AFDN: variants seen among roughly 807,000 people sequenced by gnomAD.
AFDN encodes the protein afadin, adherens junction formation factor.
Under a neutral mutation model 216.6 loss-of-function variants are expected in AFDN, and 68 were observed. The ratio of observed to expected loss-of-function variants is 0.31; its 90% CI spans 0.26 to 0.38. AFDN has a LOEUF of 0.38. Ranked by LOEUF, AFDN falls within the 10% of genes least tolerant of loss-of-function variation. The probability of loss-of-function intolerance (pLI) is 1.00; values close to 1 mark genes in which losing one functional copy is unlikely to be tolerated. For synonymous variants in AFDN, 868 were observed against 853.7 expected, an observed-to-expected ratio of 1.02 and a Z score of -0.29; for missense variants, 2,136 against 2,342.0, an observed-to-expected ratio of 0.91 and a Z score of 1.82.
chr6:167,918,968 C>T, intron 21 of AFDN, 35 bp downstream of exon 21: 2 of 1,567,514 alleles, frequency 1.3e-6, no homozygotes, highest in South Asian at 2.3e-5. Flanking sequence ...CTGAGCTACG[C>T]CCCAGGTTGA....
intron 6 of AFDN, among the ~76,000 whole-genome samples, chr6:167,886,725 C>T (rs1366859025): frequency 2.0e-5 from 3 of 152,158 alleles, no homozygotes; most frequent in Non-Finnish European, 4.4e-5. Context: ...AGTCAGAATA[C>T]TATTAGTAAA....
chr6:167,917,107 A>G lies in AFDN; in HGVS notation c.2584A>G (p.Met862Val), dbSNP rs148782351. ...RIVQATTLLT[M>V]DKYAPDDIPN... The stretch of plus-strand genomic sequence containing the variant: ...TACATAGGCAACGACTTTGCTTACC[A>G]TGGATAAGTATGCACCTGATGACAT... The change falls in exon 20 of 34, where the codon ATG becomes GTG. Residue 862 changes from methionine (M) to valine (V), a missense_variant. Physicochemically the swap from Met to Val is conservative, Grantham distance 21. Around this residue, in one of 8 missense-constraint regions of AFDN, gnomAD observed 162 missense variants for 182.6 expected, o/e 0.89. Coordinates refer to ENST00000683244, the MANE Select transcript of AFDN (RefSeq NM_001386888.1). The G allele has an allele frequency of 2.5e-6, 4 of 1,612,532 alleles. No individual in the cohort carries two copies. The African/African-American group carries it at 5.3e-5, about 22-fold the overall frequency.
chr6:167,931,729 AT>A (rs1367343658), intron 23 of AFDN, among the ~76,000 whole-genome samples: 1 of 152,108 alleles, frequency 6.6e-6, no homozygotes, highest in Non-Finnish European at 1.5e-5. Context: ...GAGTGGAGGT[AT>A]TTTTGAGATT....
At chr6:167,935,033 T>C (rs986012830) in intron 23 of AFDN, among the ~76,000 whole-genome samples, 11 of 152,216 alleles carry the variant, frequency 7.2e-5, no homozygotes, top group African/African-American at 1.9e-4. Context: ...TTTTTTATTA[T>C]AATTTTTGAT....
Position 167,874,658 on chromosome 6 carries a change from C to T in AFDN, c.579-677C>T, listed in dbSNP as rs181106453. Among the ~76,000 whole-genome samples the T allele has an allele frequency of 5.8e-3, 844 of 146,036 alleles. 16 individuals are homozygous for T. Among genetic ancestry groups the T allele is most frequent in the African/African-American group, 0.021 (813 of 39,532 alleles). On this transcript the variant is annotated intron_variant, in intron 4 of 33. Coordinates refer to ENST00000683244, the MANE Select transcript of AFDN (RefSeq NM_001386888.1). ...GAGATGAAGTTTTGCTCTTGTTGCCCAGGCTGGAATGCAGTGGCACAATCT... is the reference window on the plus strand; with the variant it reads ...GAGATGAAGTTTTGCTCTTGTTGCCTAGGCTGGAATGCAGTGGCACAATCT...
intron 1 of AFDN, among the ~76,000 whole-genome samples, chr6:167,838,680 G>A (rs1192791112): frequency 6.6e-6 from 1 of 152,184 alleles, no homozygotes; most frequent in African/African-American, 2.4e-5. Flanking sequence ...GTGGCCTGTT[G>A]TACCTTCTTA....
intron 2 of AFDN, among the ~76,000 whole-genome samples, chr6:167,866,716 GT>G (rs1474412772): frequency 6.6e-6 from 1 of 152,152 alleles, no homozygotes; most frequent in Non-Finnish European, 1.5e-5. Context: ...TTATTACAGC[GT>G]TACGGAAAAC....
chr6:167,913,440 G>C lies in AFDN; in HGVS notation c.2058+17G>C. On this transcript the variant is annotated intron_variant, in intron 16 of 33. Coordinates refer to ENST00000683244, the MANE Select transcript of AFDN (RefSeq NM_001386888.1). ...GTTGACCAGGTAGGACATCTGCTGG[G>C]AGCTGATCCTAGCTGTGTTGCTTAG... The C allele has an allele frequency of 6.5e-7, 1 of 1,535,640 alleles. No individual in the cohort carries two copies. Among genetic ancestry groups the C allele is most frequent in the Non-Finnish European group, 8.7e-7 (1 of 1,146,558 alleles).
chr6:167,891,446 T>G (rs1191789342), intron 8 of AFDN, among the ~76,000 whole-genome samples: 1 of 150,668 alleles, frequency 6.6e-6, no homozygotes, highest in Admixed American at 6.6e-5. Context: ...TGTGTGTGTG[T>G]GTGTGGCTGT....
intron 1 of AFDN, among the ~76,000 whole-genome samples, chr6:167,846,818 GA>G (rs1169510070): frequency 6.8e-6 from 1 of 147,488 alleles, no homozygotes; most frequent in African/African-American, 2.5e-5. Context: ...TAATCTATTA[GA>G]AAAGTCATAA....
At chr6:167,924,919 CAT>C (rs1262370715) in intron 22 of AFDN, 84 bp from the exon 23 acceptor site, 1 of 948,488 alleles carries the variant, frequency 1.1e-6, no homozygotes, top group South Asian at 1.3e-5. Context: ...CTCCAGTGAA[CAT>C]GATTGACTAG....
At position 167,966,307 on chromosome 6, in the gene AFDN, C is replaced by G. The variant is rs763135204; in HGVS notation, c.5257+262C>G. The G allele has an allele frequency of 3.5e-6, 5 of 1,440,504 alleles. No individual in the cohort carries two copies. The South Asian group carries it at 5.1e-5, about 15-fold the overall frequency. 89.2% of individuals were successfully genotyped at this position (1,440,504 alleles called of 1,614,324 possible). A position where few individuals can be genotyped will look rare whatever the true frequency, so the allele number is the denominator to read the frequency against. ...AGAGTGACAAATCAGCTCTCTTTGT[C>G]TTAATGATTGGAACCTCAGCATCTC... On this transcript the variant is annotated intron_variant, in intron 32 of 33. Coordinates refer to ENST00000683244, the MANE Select transcript of AFDN (RefSeq NM_001386888.1).
intron 1 of AFDN, among the ~76,000 whole-genome samples, chr6:167,840,385 C>G (rs984296195): frequency 2.0e-5 from 3 of 152,082 alleles, no homozygotes; most frequent in East Asian, 1.9e-4. Flanking sequence ...CAAGTTTGAC[C>G]ATGTGACTTT....
intron 1 of AFDN, among the ~76,000 whole-genome samples, chr6:167,838,950 A>G (rs1298488355): frequency 6.6e-6 from 1 of 152,158 alleles, no homozygotes; most frequent in Non-Finnish European, 1.5e-5. Flanking sequence ...TCAATTGCTC[A>G]CCCATTATAT....
Position 167,964,630 on chromosome 6 carries a change from G to GTGTA in AFDN, c.4969-1124_4969-1123insATGT, listed in dbSNP as rs1797358236. 1.7e-5 allele frequency: 18 copies of GTGTA among 1,056,466 alleles called. No individual in the cohort carries two copies. In the South Asian group the frequency reaches 5.5e-4, roughly 32 times the overall value. The allele number at this position is 1,056,466 out of a possible 1,614,324, so 65.4% of individuals were successfully genotyped here. A position where few individuals can be genotyped will look rare whatever the true frequency, so the allele number is the denominator to read the frequency against. On this transcript the variant is annotated intron_variant, in intron 31 of 33. Coordinates refer to ENST00000683244, the MANE Select transcript of AFDN (RefSeq NM_001386888.1). ...GTATTCACTCTGTGTGTGTGTGTGT[G>GTGTA]TGTGTGTGTGTGTGTGTGTGTGTGT... is the stretch of plus-strand genomic sequence containing the variant.
chr6:167,936,856 A>G (rs1046471968), intron 23 of AFDN, among the ~76,000 whole-genome samples: 3 of 152,176 alleles, frequency 2.0e-5, no homozygotes, highest in African/African-American at 7.2e-5. Context: ...GTTGAAGGTA[A>G]TTGCCCATAT....
At chr6:167,931,068 C>A (rs1793232853) in intron 23 of AFDN, among the ~76,000 whole-genome samples, 1 of 152,182 alleles carries the variant, frequency 6.6e-6, no homozygotes, top group South Asian at 2.1e-4. Flanking sequence ...CTGGAACAGA[C>A]ACCCCGTGAA....
Position 167,944,589 on chromosome 6 carries a change from A to G in AFDN, c.3358+530A>G, listed in dbSNP as rs116751956. Among the ~76,000 whole-genome samples, 581 of 152,272 alleles carry G rather than the reference A, an allele frequency of 3.8e-3. 2 individuals are homozygous for G. Among genetic ancestry groups the G allele is most frequent in the African/African-American group, 0.013 (546 of 41,556 alleles). Reference sequence around the variant, plus strand: ...TGTATACAGTCATGCTCACCTGGCAAGGGGGATCCATTCTGAAAAATTCGT... The same window carrying G: ...TGTATACAGTCATGCTCACCTGGCAGGGGGGATCCATTCTGAAAAATTCGT... On this transcript the variant is annotated intron_variant, in intron 26 of 33. Coordinates refer to ENST00000683244, the MANE Select transcript of AFDN (RefSeq NM_001386888.1).
chr6:167,920,713 C>T (rs529325602), intron 21 of AFDN, among the ~76,000 whole-genome samples: 9 of 152,290 alleles, frequency 5.9e-5, no homozygotes, highest in South Asian at 4.1e-4. Context: ...CCTTGAAATA[C>T]GCACACTATA....
Sources: allele counts gnomAD v4.1 joint callset (sites outside exome capture counted in the v4.1 genomes callset), GRCh38; gene constraint gnomAD v4.1.1; regional missense constraint gnomAD v4.1.1; transcripts MANE v1.5; gene names NCBI Gene and HGNC (gene_info 2026-07-23, HGNC 2026-07-21).